DENND5B: variants seen among roughly 807,000 people sequenced by gnomAD.
DENND5B encodes DENN domain-containing protein 5B.
Under a neutral mutation model 140.6 loss-of-function variants are expected in DENND5B, and 34 were observed. That is an observed-to-expected ratio of 0.24 (90% CI 0.18 to 0.32). The LOEUF is 0.32. Ranked by LOEUF, DENND5B falls within the 10% of genes least tolerant of loss-of-function variation. The pLI, the probability that DENND5B is intolerant of heterozygous loss-of-function variation, is 1.00. For synonymous variants in DENND5B, 551 were observed against 562.1 expected (o/e 0.98, Z 0.28); for missense variants, 1,142 against 1,560.2 (o/e 0.73, Z 4.52).
At chr12:31,457,316 G>C (rs1000385114) in intron 4 of DENND5B, among the ~76,000 whole-genome samples, 1 of 152,012 alleles carries the variant, frequency 6.6e-6, no homozygotes, top group Non-Finnish European at 1.5e-5. Flanking sequence ...GCTACTTGTG[G>C]GTATCACTCT....
chr12:31,415,804 G>C (rs914516782), intron 11 of DENND5B, among the ~76,000 whole-genome samples: 3 of 151,686 alleles, frequency 2.0e-5, no homozygotes, highest in Non-Finnish European at 4.4e-5. Flanking sequence ...CCCAGGCTGG[G>C]CTATATTATT....
chr12:31,471,481 T>TTG (rs1034866556), intron 3 of DENND5B, among the ~76,000 whole-genome samples: 1 of 148,170 alleles, frequency 6.7e-6, no homozygotes, highest in African/African-American at 2.5e-5. Flanking sequence ...TTTTTTTTTT[T>TTG]GTAGAGACAG....
chr12:31,411,410 T>C (rs1288797239), intron 13 of DENND5B, among the ~76,000 whole-genome samples: 1 of 144,030 alleles, frequency 6.9e-6, no homozygotes, highest in Non-Finnish European at 1.5e-5. Context: ...AGTGGCGCGA[T>C]CTCGGCTCAC....
At chr12:31,414,060 A>C (rs1344991140) in intron 12 of DENND5B, among the ~76,000 whole-genome samples, 1 of 152,244 alleles carries the variant, frequency 6.6e-6, no homozygotes. Flanking sequence ...TAGAGAAAAT[A>C]AGCCAGACTG....
At chr12:31,574,232 C>T (rs1251864072) in intron 1 of DENND5B, among the ~76,000 whole-genome samples, 1 of 149,228 alleles carries the variant, frequency 6.7e-6, no homozygotes, top group African/African-American at 2.5e-5. Context: ...CACTGCACTC[C>T]AGCATGGGTG....
chr12:31,384,677 G>A lies in DENND5B; in HGVS notation c.*2926C>T, dbSNP rs1261417062. The A allele has an allele frequency of 6.6e-6, 1 of 152,062 alleles. No individual in the cohort carries two copies. Among genetic ancestry groups the A allele is most frequent in the Non-Finnish European group, 1.5e-5 (1 of 68,020 alleles). The allele number at this position is 152,062 out of a possible 1,614,324, so 9.4% of individuals were successfully genotyped here. On this transcript the variant is annotated 3_prime_UTR_variant, in exon 21 of 21. Coordinates refer to ENST00000389082, the MANE Select transcript of DENND5B (RefSeq NM_144973.4). ...TAATATTACACAAAGGCATGAAGAT[G>A]AAACTTCAGGTGTAACTTTTTTGGG...
intron 1 of DENND5B, chr12:31,535,140 G>A: frequency 3.1e-6 from 1 of 324,688 alleles, no homozygotes; most frequent in Non-Finnish European, 5.7e-6. Context: ...ATCACACTGA[G>A]GTAAGAAAGA....
chr12:31,590,901 A>G lies in DENND5B; in HGVS notation c.-69T>C. On this transcript the variant is annotated 5_prime_UTR_variant, in exon 1 of 21. Transcript: ENST00000389082. ...AAGGCTTTCTGCGGAGGCTGCCACC[A>G]CCGCTCCGGCTGTGGTCTGTGCGCC... The G allele has an allele frequency of 8.6e-7, 1 of 1,166,784 alleles. No homozygotes were observed. The highest frequency in any genetic ancestry group is 1.1e-6 in the Non-Finnish European group (1 of 948,738). 72.3% of individuals were successfully genotyped at this position (1,166,784 alleles called of 1,614,324 possible). A position where few individuals can be genotyped will look rare whatever the true frequency, so the allele number is the denominator to read the frequency against.
chr12:31,531,244 G>C (rs1948267692), intron 1 of DENND5B, among the ~76,000 whole-genome samples: 1 of 151,792 alleles, frequency 6.6e-6, no homozygotes, highest in Non-Finnish European at 1.5e-5. Flanking sequence ...CTGTCACCCA[G>C]GCTGGAGTGC....
At chr12:31,493,656 CCT>C (rs1946619476) in intron 2 of DENND5B, among the ~76,000 whole-genome samples, 1 of 152,054 alleles carries the variant, frequency 6.6e-6, no homozygotes, top group Non-Finnish European at 1.5e-5. Context: ...ATGGTGAAAC[CCT>C]GTCTCTACTA....
intron 1 of DENND5B, among the ~76,000 whole-genome samples, chr12:31,547,425 C>G (rs575263709): frequency 2.0e-5 from 3 of 152,044 alleles, no homozygotes; most frequent in Non-Finnish European, 2.9e-5. Flanking sequence ...GTTTTTGAGA[C>G]AGAGTCTCGG....
At chr12:31,448,820 A>G (rs1205235068) in intron 5 of DENND5B, among the ~76,000 whole-genome samples, 1 of 152,006 alleles carries the variant, frequency 6.6e-6, no homozygotes, top group Non-Finnish European at 1.5e-5. Flanking sequence ...AGGCCAGCCT[A>G]AAGAAACATA....
chr12:31,543,373 TA>T (rs1476650167), intron 1 of DENND5B, among the ~76,000 whole-genome samples: 1 of 152,230 alleles, frequency 6.6e-6, no homozygotes, highest in Non-Finnish European at 1.5e-5. Context: ...TACCTGCTAC[TA>T]AGATCTGACT....
At chr12:31,425,845 T>C (rs1263821337) in intron 9 of DENND5B, among the ~76,000 whole-genome samples, 1 of 152,236 alleles carries the variant, frequency 6.6e-6, no homozygotes, top group African/African-American at 2.4e-5. Flanking sequence ...CACAGGTTTC[T>C]GAGAGGAGAA....
In DENND5B at chr12:31,452,294, C is replaced by G; in HGVS notation, c.1275G>C (p.Leu425=). Residue 425 remains leucine (L), a synonymous_variant, in exon 5 of 21, where the codon CTG becomes CTC. Transcript: ENST00000389082. Reference sequence around the variant, plus strand: ...TCTTTTTGTCATTGACCAAGTCTTTCAGAACCATATTCTTCAGTTTGCTGG... The same window carrying G: ...TCTTTTTGTCATTGACCAAGTCTTTGAGAACCATATTCTTCAGTTTGCTGG... ...ESTSKLKNMV[L]KDLVNDKKNG... The G allele has an allele frequency of 6.2e-6, 10 of 1,613,930 alleles. No homozygotes were observed. The highest frequency in any genetic ancestry group is 2.7e-5 in the African/African-American group (2 of 75,018).
intron 4 of DENND5B, among the ~76,000 whole-genome samples, chr12:31,454,032 C>G (rs1944658708): frequency 6.6e-6 from 1 of 151,598 alleles, no homozygotes; most frequent in Non-Finnish European, 1.5e-5. Flanking sequence ...ATCCCAGCTA[C>G]TCGGGAGGCT....
intron 1 of DENND5B, chr12:31,500,559 A>G (rs1243986666): frequency 3.1e-6 from 1 of 319,966 alleles, no homozygotes; most frequent in Non-Finnish European, 6.0e-6. Context: ...GGGTGCCCAT[A>G]ATCCCAGTTA....
At chr12:31,426,720 G>C (rs1041097287) in intron 8 of DENND5B, 36 of 270,798 alleles carry the variant, frequency 1.3e-4, no homozygotes, top group African/African-American at 8.1e-4. Context: ...AATACAAAAG[G>C]TTGTGAAGTC....
At chr12:31,409,180 G>C in intron 14 of DENND5B, 83 bp downstream of exon 14, 1 of 1,370,438 alleles carries the variant, frequency 7.3e-7, no homozygotes, top group South Asian at 1.6e-5. Context: ...ATGTACTATG[G>C]CATATCTTGC....
Sources: gnomAD v4.1 joint callset for allele counts (sites outside exome capture counted in the v4.1 genomes callset) on GRCh38, gnomAD v4.1.1 for gene constraint, MANE v1.5 for transcripts, NCBI Gene and HGNC (gene_info 2026-07-23, HGNC 2026-07-21) for gene names.